The following CCDC171 variants were observed in gnomAD, a reference collection of about 807,000 sequenced individuals.
The protein encoded by CCDC171 is coiled-coil domain-containing protein 171.
CCDC171 carries 177 observed loss-of-function variants against 168.2 expected under a neutral mutation model. The ratio of observed to expected loss-of-function variants is 1.05; its 90% CI spans 0.93 to 1.19. The LOEUF (loss-of-function observed/expected upper bound fraction) is 1.19. Ranked by LOEUF, CCDC171 falls within the 50% of genes most tolerant of loss-of-function variation. CCDC171 has a pLI of 0.00. For synonymous variants in CCDC171, 687 were observed against 540.8 expected, an observed-to-expected ratio of 1.27 and a Z score of -3.75; for missense variants, 1,991 against 1,539.0, an observed-to-expected ratio of 1.29 and a Z score of -4.91.
At chr9:15,610,806 G>A (rs1019227205) in intron 6 of CCDC171, among the ~76,000 whole-genome samples, 4 of 151,938 alleles carry the variant, frequency 2.6e-5, no homozygotes, top group Admixed American at 6.6e-5. Context: ...TGGTCATCCC[G>A]CCTTGGCCTC....
At chr9:15,910,485 G>T (rs1823461547) in intron 24 of CCDC171, among the ~76,000 whole-genome samples, 1 of 152,038 alleles carries the variant, frequency 6.6e-6, no homozygotes, top group African/African-American at 2.4e-5. Flanking sequence ...AGTATAATTT[G>T]AAGTTAGGTT....
intron 18 of CCDC171, among the ~76,000 whole-genome samples, chr9:15,748,677 T>C (rs1225445833): frequency 6.6e-6 from 1 of 152,170 alleles, no homozygotes. Context: ...TTCAACATTC[T>C]TAAAGAAAAG....
At chr9:16,031,738 G>A (rs1833367128) in intron 6 of CCDC171, among the ~76,000 whole-genome samples, 1 of 152,162 alleles carries the variant, frequency 6.6e-6, no homozygotes, top group African/African-American at 2.4e-5. Flanking sequence ...CTGAGGGGTC[G>A]ATAGGATTCC....
chr9:15,704,844 C>T (rs550067653), intron 11 of CCDC171, among the ~76,000 whole-genome samples: 8 of 152,056 alleles, frequency 5.3e-5, no homozygotes, highest in Non-Finnish European at 7.4e-5. Flanking sequence ...ACAGTTTACA[C>T]CTTGTTTCCT....
intron 3 of CCDC171, among the ~76,000 whole-genome samples, chr9:15,577,332 C>G (rs2040749863): frequency 6.6e-6 from 1 of 152,170 alleles, no homozygotes; most frequent in Non-Finnish European, 1.5e-5. Flanking sequence ...TTTACCCTTT[C>G]TATCCCTCAG....
intron 11 of CCDC171, among the ~76,000 whole-genome samples, chr9:15,699,646 G>T (rs1219165378): frequency 6.6e-6 from 1 of 152,108 alleles, no homozygotes; most frequent in East Asian, 1.9e-4. Flanking sequence ...AGAGTAGCTA[G>T]ATACAGAGTG....
At chr9:15,585,225 G>T (rs997308021) in intron 4 of CCDC171, among the ~76,000 whole-genome samples, 4 of 152,126 alleles carry the variant, frequency 2.6e-5, no homozygotes, top group Non-Finnish European at 4.4e-5. Flanking sequence ...TTATGAGCCA[G>T]TGGTTTCACT....
rs1352701592 is a variant in CCDC171 at position 15,695,318 on chromosome 9, G to C, written c.1299G>C (p.Val433=). 1 of 1,613,608 alleles carries C rather than the reference G, an allele frequency of 6.2e-7. No individual in the cohort carries two copies. Among genetic ancestry groups the C allele is most frequent in the Non-Finnish European group, 8.5e-7 (1 of 1,179,612 alleles). ...AATCGATCTTGGACAGCTTTACTGT[G>C]TCGGGCCAGTGGACATCAGGTTAGT... is the stretch of plus-strand genomic sequence containing the variant. ...ELESILDSFT[V]SGQWTSGIHK... The change falls in exon 11 of 26, where the codon GTG becomes GTC. Residue 433 remains valine, a synonymous_variant. Coordinates refer to ENST00000380701, the MANE Select transcript of CCDC171 (RefSeq NM_173550.4).
chr9:15,609,273 A>T (rs984054205), intron 6 of CCDC171, among the ~76,000 whole-genome samples: 8 of 149,388 alleles, frequency 5.4e-5, no homozygotes, highest in African/African-American at 1.2e-4. Flanking sequence ...CTAATTTTTT[A>T]TTTTTTTTTA....
intron 11 of CCDC171, among the ~76,000 whole-genome samples, chr9:15,714,183 A>G (rs185191076): frequency 6.6e-6 from 1 of 152,258 alleles, no homozygotes; most frequent in Non-Finnish European, 1.5e-5. Flanking sequence ...TTATCTTTCA[A>G]TCCTTTAAAA....
chr9:15,621,858 T>C (rs920385014), intron 6 of CCDC171, among the ~76,000 whole-genome samples: 2 of 152,180 alleles, frequency 1.3e-5, no homozygotes, highest in African/African-American at 4.8e-5. Context: ...CTATTCACAA[T>C]AGCAAAGACA....
At chr9:15,757,142 C>CA (rs2056172575) in intron 18 of CCDC171, among the ~76,000 whole-genome samples, 1 of 152,160 alleles carries the variant, frequency 6.6e-6, no homozygotes. Flanking sequence ...AACTGGGTAA[C>CA]AGGCAGAGGT....
chr9:15,755,298 A>C (rs1311213990), intron 18 of CCDC171, among the ~76,000 whole-genome samples: 1 of 152,124 alleles, frequency 6.6e-6, no homozygotes, highest in African/African-American at 2.4e-5. Context: ...GGAAGGGCAA[A>C]ATGTGAAGGC....
intron 18 of CCDC171, among the ~76,000 whole-genome samples, chr9:15,751,875 A>G (rs2055767963): frequency 6.6e-6 from 1 of 152,218 alleles, no homozygotes. Context: ...TATAACACCA[A>G]AAGCAATGGC....
intron 7 of CCDC171, among the ~76,000 whole-genome samples, chr9:15,630,810 T>C (rs1413573816): frequency 2.0e-5 from 3 of 152,152 alleles, no homozygotes; most frequent in African/African-American, 7.2e-5. Context: ...TGAGAAATTA[T>C]AACAAACTGT....
At chr9:15,733,874 TC>T (rs2134400328) in intron 16 of CCDC171, among the ~76,000 whole-genome samples, 1 of 152,214 alleles carries the variant, frequency 6.6e-6, no homozygotes, top group East Asian at 1.9e-4. Flanking sequence ...GCTCAAGTGG[TC>T]CCCCACCTCA....
chr9:16,082,342 A>G, the CCDC171 span, among the ~76,000 whole-genome samples: 1 of 152,242 alleles, frequency 6.6e-6, no homozygotes, highest in Admixed American at 6.5e-5. Flanking sequence ...GGTTTGATGC[A>G]GAATCAATTC....
At chr9:15,925,565 C>G (rs1297935579) in intron 25 of CCDC171, among the ~76,000 whole-genome samples, 1 of 151,556 alleles carries the variant, frequency 6.6e-6, no homozygotes, top group Non-Finnish European at 1.5e-5. Context: ...TAAAAAAGAT[C>G]ACTTTGGCTA....
intron 7 of CCDC171, among the ~76,000 whole-genome samples, chr9:15,648,315 G>A (rs1267151186): frequency 3.9e-5 from 6 of 152,156 alleles, no homozygotes; most frequent in African/African-American, 1.2e-4. Context: ...AAAACTGGAA[G>A]CATTCCCTTT....
Sources: allele counts gnomAD v4.1 joint callset (sites outside exome capture counted in the v4.1 genomes callset), GRCh38; gene constraint gnomAD v4.1.1; transcripts MANE v1.5; gene names NCBI Gene and HGNC (gene_info 2026-07-23, HGNC 2026-07-21).